DNAH14: variants seen among roughly 807,000 people sequenced by gnomAD.
DNAH14 encodes axonemal beta dynein heavy chain 14.
Under a neutral mutation model 520.9 loss-of-function variants are expected in DNAH14, and 478 were observed. That is an observed-to-expected ratio of 0.92 (90% confidence interval 0.85 to 0.99). DNAH14 has a LOEUF of 0.99. Among genes scored for constraint, DNAH14 ranks in the 50% least tolerant of loss-of-function variants. The pLI is 0.00. For synonymous variants in DNAH14, 1,581 were observed against 1,757.2 expected (o/e 0.90, Z 2.51); for missense variants, 4,831 against 5,234.5 (o/e 0.92, Z 2.38).
chr1:225,079,673 T>TTTC, intron 18 of DNAH14, 125 bp downstream of exon 18: 2 of 236,810 alleles, frequency 8.4e-6, no homozygotes, highest in Non-Finnish European at 1.2e-5. Context: ...ACAAGTATTC[T>TTTC]TTTTTTTTTT....
chr1:225,388,359 C>A lies in DNAH14; in HGVS notation c.13078-20C>A. On this transcript the variant is annotated intron_variant, in intron 81 of 85. Coordinates refer to ENST00000682510, the MANE Select transcript of DNAH14 (RefSeq NM_001367479.1). The stretch of plus-strand genomic sequence containing the variant: ...AAGACAAAGAAAAAAAATGATGTGA[C>A]TGTCTTTAAATCCCAACAGAAACAC... 7.0e-7 allele frequency: 1 copy of A among 1,434,562 alleles called. No individual in the cohort carries two copies. The highest frequency in any genetic ancestry group is 1.3e-5 in the South Asian group (1 of 77,010). The allele number at this position is 1,434,562 out of a possible 1,614,324, so 88.9% of individuals were successfully genotyped here. A position where few individuals can be genotyped will look rare whatever the true frequency, so the allele number is the denominator to read the frequency against.
At chr1:225,102,916 G>C (rs1459615416) in intron 23 of DNAH14, among the ~76,000 whole-genome samples, 2 of 152,098 alleles carry the variant, frequency 1.3e-5, no homozygotes, top group Non-Finnish European at 2.9e-5. Context: ...TGTCAATTTT[G>C]GCTTTTGTTG....
intron 68 of DNAH14, among the ~76,000 whole-genome samples, chr1:225,339,221 G>T (rs2095128275): frequency 6.6e-6 from 1 of 151,852 alleles, no homozygotes; most frequent in South Asian, 2.1e-4. Flanking sequence ...TGAGGCAGGA[G>T]AATCGCTTGA....
At position 225,123,839 on chromosome 1, in the gene DNAH14, G is replaced by T. The variant is rs541801416; in HGVS notation, c.4254+225G>T. Among the ~76,000 whole-genome samples, 8 of 151,790 alleles carry T rather than the reference G, an allele frequency of 5.3e-5. 1 individual carries two copies. The South Asian group carries it at 1.7e-3, about 32-fold the overall frequency. ...ACAATCTCAGCTCACTGCAGCCTCC[G>T]CCTCCCAGGTTCAAGTGATTCTGCT... On this transcript the variant is annotated intron_variant, in intron 27 of 85. Transcript: ENST00000682510.
At chr1:225,201,318 C>A (rs1395932404) in intron 38 of DNAH14, among the ~76,000 whole-genome samples, 4 of 152,078 alleles carry the variant, frequency 2.6e-5, no homozygotes, top group Admixed American at 2.6e-4. Context: ...TTCTCTGGTG[C>A]CTCCCTGATT....
chr1:225,119,261 A>G lies in DNAH14; in HGVS notation c.4133A>G (p.Asn1378Ser). ...AGTGCTGTAGAACAGTGGCTGGTAA[A>G]TGTAGAAAAAAGCATGTTCGATGTG... is the stretch of plus-strand genomic sequence containing the variant. The part of the protein sequence containing the change: ...VRSAVEQWLV[N>S]VEKSMFDVLK... Residue 1378 changes from asparagine (N) to serine (S), a missense_variant, in exon 26 of 86, where the codon AAT becomes AGT. Transcript: ENST00000682510. 6.6e-7 allele frequency: 1 copy of G among 1,526,598 alleles called. No individual in the cohort carries two copies. Among genetic ancestry groups the G allele is most frequent in the Non-Finnish European group, 8.8e-7 (1 of 1,135,198 alleles). 94.6% of individuals were successfully genotyped at this position (1,526,598 alleles called of 1,614,324 possible).
chr1:225,073,438 C>T (rs2071799928), intron 17 of DNAH14, among the ~76,000 whole-genome samples: 1 of 151,076 alleles, frequency 6.6e-6, no homozygotes, highest in Non-Finnish European at 1.5e-5. Context: ...CATCCAACGA[C>T]AAGGAACAGG....
In DNAH14 at chr1:225,152,677, G is replaced by A. The variant is rs756182491; in HGVS notation, c.5010-20G>A. The A allele has an allele frequency of 2.0e-6, 3 of 1,509,816 alleles. No individual in the cohort carries two copies. In the South Asian group the frequency reaches 3.9e-5, roughly 20 times the overall value. The allele number at this position is 1,509,816 out of a possible 1,614,324, so 93.5% of individuals were successfully genotyped here. A position where few individuals can be genotyped will look rare whatever the true frequency, so the allele number is the denominator to read the frequency against. The stretch of plus-strand genomic sequence containing the variant: ...TTGAGAAGTGGTGTTTTTATTGTTT[G>A]TTTTTCTTTTCCTCTTCAGATACGG... On this transcript the variant is annotated intron_variant, in intron 32 of 85. Transcript: ENST00000682510.
intron 64 of DNAH14, among the ~76,000 whole-genome samples, chr1:225,326,643 A>C (rs1328803111): frequency 6.6e-6 from 1 of 152,236 alleles, no homozygotes; most frequent in East Asian, 1.9e-4. Context: ...GAAAGAAAAA[A>C]AAATTCTTCA....
chr1:225,249,892 T>C (rs1487711036), intron 43 of DNAH14, among the ~76,000 whole-genome samples: 1 of 152,232 alleles, frequency 6.6e-6, no homozygotes, highest in African/African-American at 2.4e-5. Context: ...TTGAGGCTCA[T>C]CCATAATGTA....
chr1:225,365,117 A>G (rs2095536914), intron 76 of DNAH14, among the ~76,000 whole-genome samples: 1 of 152,206 alleles, frequency 6.6e-6, no homozygotes, highest in Non-Finnish European at 1.5e-5. Flanking sequence ...ATTTGCTCAA[A>G]CAAGGATGTT....
intron 27 of DNAH14, among the ~76,000 whole-genome samples, chr1:225,140,000 T>C (rs16844328): frequency 0.082 from 12,498 of 152,270 alleles, 1,657 homozygotes; most frequent in African/African-American, 0.28. Flanking sequence ...ATAACAAGTT[T>C]CTCATCCTGT....
chr1:224,964,617 T>TG lies in DNAH14; in HGVS notation c.498+8_498+9insG. 1 of 1,539,880 alleles carries TG rather than the reference T, an allele frequency of 6.5e-7. No individual in the cohort carries two copies. Among genetic ancestry groups the TG allele is most frequent in the Non-Finnish European group, 8.7e-7 (1 of 1,143,934 alleles). On this transcript the variant is annotated intron_variant, in intron 5 of 85. Transcript: ENST00000682510. ...CAGAAGATTACTTTAAAGGTATTGT[T>TG]CTATTTTATTTAATTTTGATCTTTA...
chr1:225,149,623 A>T (rs572265295), intron 31 of DNAH14, among the ~76,000 whole-genome samples: 1 of 151,954 alleles, frequency 6.6e-6, no homozygotes, highest in African/African-American at 2.4e-5. Context: ...CTTAGGAGAG[A>T]TCTTTCATCT....
At chr1:225,246,542 A>G (rs896174283) in intron 43 of DNAH14, among the ~76,000 whole-genome samples, 12 of 152,328 alleles carry the variant, frequency 7.9e-5, no homozygotes, top group Non-Finnish European at 1.5e-4. Flanking sequence ...GAAAAAAACA[A>G]ACAACCCCAT....
chr1:225,089,464 A>AAAAAAAAAAAAAG (rs775049047), intron 21 of DNAH14, among the ~76,000 whole-genome samples: 13 of 138,394 alleles, frequency 9.4e-5, no homozygotes, highest in South Asian at 4.7e-4. Flanking sequence ...AAAAAAAAAA[A>AAAAAAAAAAAAAG]AGAGAGCGAG....
intron 37 of DNAH14, among the ~76,000 whole-genome samples, chr1:225,191,660 C>T (rs1242474138): frequency 6.6e-6 from 1 of 151,928 alleles, no homozygotes; most frequent in East Asian, 1.9e-4. Flanking sequence ...CTCTTTTCTT[C>T]TTCTGGAATT....
Position 225,206,189 on chromosome 1 carries a change from C to T in DNAH14, c.6186+10C>T. On this transcript the variant is annotated intron_variant, in intron 40 of 85. Transcript: ENST00000682510. ...TGCCATGGTCTATATGGTAAGCTTT[C>T]AAAAACAAATGTTTTAACAAAGCAA... 6.5e-7 allele frequency: 1 copy of T among 1,527,076 alleles called. No homozygotes were observed. Among genetic ancestry groups the T allele is most frequent in the Non-Finnish European group, 8.8e-7 (1 of 1,131,878 alleles). The allele number at this position is 1,527,076 out of a possible 1,614,324, so 94.6% of individuals were successfully genotyped here. A position where few individuals can be genotyped will look rare whatever the true frequency, so the allele number is the denominator to read the frequency against.
chr1:225,274,197 A>ATTT (rs869247051), intron 52 of DNAH14, among the ~76,000 whole-genome samples: 266 of 92,876 alleles, frequency 2.9e-3, no homozygotes, highest in Non-Finnish European at 3.6e-3. Flanking sequence ...AGCATCTGTT[A>ATTT]TTTTTTTTTT....
Sources: allele counts gnomAD v4.1 joint callset (sites outside exome capture counted in the v4.1 genomes callset), GRCh38; gene constraint gnomAD v4.1.1; transcripts MANE v1.5; gene names NCBI Gene and HGNC (gene_info 2026-07-23, HGNC 2026-07-21).